WDPCP: variants seen among roughly 807,000 people sequenced by gnomAD.
The protein encoded by WDPCP is WD repeat-containing and planar cell polarity effector protein fritz homolog.
WDPCP carries 71 observed loss-of-function variants against 93.1 expected under a neutral mutation model. The ratio of observed to expected loss-of-function variants is 0.76; its 90% CI spans 0.63 to 0.93. The LOEUF is 0.93. Among genes scored for constraint, WDPCP ranks in the 40% least tolerant of loss-of-function variants. The pLI, the probability that WDPCP is intolerant of heterozygous loss-of-function variation, is 0.00. For missense variants in WDPCP, 844 were observed against 887.4 expected, an observed-to-expected ratio of 0.95 and a Z score of 0.62; for synonymous variants, 315 against 315.0, an observed-to-expected ratio of 1.00 and a Z score of 0.00.
chr2:63,427,456 C>A (rs1696409271), intron 9 of WDPCP, among the ~76,000 whole-genome samples: 1 of 152,104 alleles, frequency 6.6e-6, no homozygotes, highest in South Asian at 2.1e-4. Context: ...CACAAAATTA[C>A]ATGGAAATTA....
chr2:63,404,624 G>A lies in WDPCP; in HGVS notation c.859C>T (p.Leu287=). Residue 287 remains leucine (L), a synonymous_variant, in exon 10 of 18, where the codon CTG becomes TTG. Transcript: ENST00000272321. ...TGTTTGGTGCCAAAGCGAACATCCAGTGGGTCCCATTCTGTGCGGACAGAA... is the reference window on the plus strand; with the variant it reads ...TGTTTGGTGCCAAAGCGAACATCCAATGGGTCCCATTCTGTGCGGACAGAA... The part of the protein sequence containing the change: ...LSSVRTEWDP[L]DVRFGTKQPY... 2 of 1,614,116 alleles carry A rather than the reference G, an allele frequency of 1.2e-6. No individual in the cohort carries two copies. The highest frequency in any genetic ancestry group is 3.3e-4 in the Middle Eastern group (2 of 6,060).
At chr2:63,705,823 C>T (rs1225190782) in intron 2 of WDPCP, among the ~76,000 whole-genome samples, 2 of 150,882 alleles carry the variant, frequency 1.3e-5, no homozygotes, top group Admixed American at 6.6e-5. Flanking sequence ...CTGCTTGGTG[C>T]AGAGCTGAGT....
Position 63,121,922 on chromosome 2 carries a change from A to C in WDPCP, c.*84T>G. 6.3e-7 allele frequency: 1 copy of C among 1,591,306 alleles called. No individual in the cohort carries two copies. The highest frequency in any genetic ancestry group is 8.5e-7 in the Non-Finnish European group (1 of 1,173,140). On this transcript the variant is annotated 3_prime_UTR_variant, in exon 18 of 18. Coordinates refer to ENST00000272321, the MANE Select transcript of WDPCP (RefSeq NM_015910.7). ...TATGATTCATACTGTCTCTTGTTAAAAATCCACACGGGGGATTTTAAGTCT... is the reference window on the plus strand; with the variant it reads ...TATGATTCATACTGTCTCTTGTTAACAATCCACACGGGGGATTTTAAGTCT...
chr2:63,826,821 A>G (rs1235872573), intron 1 of WDPCP, among the ~76,000 whole-genome samples: 1 of 152,180 alleles, frequency 6.6e-6, no homozygotes. Context: ...TAACAAATAT[A>G]TCATTTTTCT....
At chr2:63,697,276 C>A (rs1365987129) in intron 2 of WDPCP, among the ~76,000 whole-genome samples, 1 of 152,056 alleles carries the variant, frequency 6.6e-6, no homozygotes, top group East Asian at 1.9e-4. Context: ...CCATTATTAT[C>A]CCCATTTTAC....
intron 14 of WDPCP, among the ~76,000 whole-genome samples, chr2:63,205,683 C>T (rs1259626495): frequency 6.6e-6 from 1 of 152,084 alleles, no homozygotes; most frequent in African/African-American, 2.4e-5. Context: ...TTTTGTAACC[C>T]GCAGCTTCAC....
chr2:63,528,431 A>C (rs987093558), intron 1 of WDPCP, among the ~76,000 whole-genome samples: 1 of 152,256 alleles, frequency 6.6e-6, no homozygotes, highest in African/African-American at 2.4e-5. Flanking sequence ...AGCTTTCTAC[A>C]TATGACTAGC....
intron 2 of WDPCP, among the ~76,000 whole-genome samples, chr2:63,693,439 T>TTAGATAGATAGA (rs55755279): frequency 0.032 from 4,673 of 145,486 alleles, 77 homozygotes; most frequent in East Asian, 0.056. Flanking sequence ...GATATAGATA[T>TTAGATAGATAGA]TAGATAGATA....
At chr2:63,160,086 T>A (rs1672543021) in intron 15 of WDPCP, among the ~76,000 whole-genome samples, 2 of 152,128 alleles carry the variant, frequency 1.3e-5, no homozygotes, top group Non-Finnish European at 2.9e-5. Context: ...CTTGTCTTCG[T>A]CCTTATTTCT....
At chr2:63,394,676 G>T (rs532163818) in intron 10 of WDPCP, among the ~76,000 whole-genome samples, 3 of 152,204 alleles carry the variant, frequency 2.0e-5, no homozygotes, top group Non-Finnish European at 4.4e-5. Context: ...AGGAAATGTG[G>T]TACATATACA....
chr2:63,171,444 A>T (rs1287025974), intron 15 of WDPCP, among the ~76,000 whole-genome samples: 1 of 152,242 alleles, frequency 6.6e-6, no homozygotes, highest in Non-Finnish European at 1.5e-5. Flanking sequence ...CAACATCATT[A>T]GTTGTTAGGG....
At chr2:63,337,392 G>A (rs1254625747) in intron 12 of WDPCP, among the ~76,000 whole-genome samples, 3 of 152,020 alleles carry the variant, frequency 2.0e-5, no homozygotes, top group Non-Finnish European at 4.4e-5. Flanking sequence ...ATCCATTAAT[G>A]GGCACTTAGG....
intron 6 of WDPCP, among the ~76,000 whole-genome samples, chr2:63,461,428 G>C (rs1269922844): frequency 6.6e-6 from 1 of 152,148 alleles, no homozygotes; most frequent in Non-Finnish European, 1.5e-5. Flanking sequence ...CTTCCACCAT[G>C]ATTGAAAGCT....
chr2:63,299,631 G>A lies in WDPCP; in HGVS notation c.1812+13617C>T, dbSNP rs965209142. Among the ~76,000 whole-genome samples, 5 of 152,308 alleles carry A rather than the reference G, an allele frequency of 3.3e-5. No individual in the cohort carries two copies. The South Asian group carries it at 8.3e-4, about 25-fold the overall frequency. ...GAAGGTACCCTTCAGCCAACCTGCT[G>A]TGAGGTACGGGGTGCATACGAGCCT... On this transcript the variant is annotated intron_variant, in intron 13 of 17. Transcript: ENST00000272321.
intron 9 of WDPCP, among the ~76,000 whole-genome samples, chr2:63,419,063 T>C (rs540828620): frequency 6.6e-6 from 1 of 152,328 alleles, no homozygotes; most frequent in South Asian, 2.1e-4. Flanking sequence ...GTAGAAAAGA[T>C]AAAGAGTCCC....
At chr2:63,429,919 A>T (rs6717478) in intron 9 of WDPCP, among the ~76,000 whole-genome samples, 6,504 of 152,012 alleles carry the variant, frequency 0.043, 165 homozygotes, top group South Asian at 0.068. Context: ...ACAATAGCAA[A>T]AACATGGAAT....
chr2:63,362,277 T>TTGGGGG (rs1553362983), intron 12 of WDPCP, among the ~76,000 whole-genome samples: 1 of 94,132 alleles, frequency 1.1e-5, no homozygotes, highest in African/African-American at 4.6e-5. Flanking sequence ...TTTTTTTTGG[T>TTGGGGG]TGTGTGTGTG....
chr2:63,788,330 C>G (rs1401544306), intron 2 of WDPCP, among the ~76,000 whole-genome samples: 2 of 152,072 alleles, frequency 1.3e-5, no homozygotes, highest in African/African-American at 4.8e-5. Context: ...ATGCAATTTT[C>G]CAATAGGGAG....
At chr2:63,209,961 T>G (rs931594114) in intron 14 of WDPCP, among the ~76,000 whole-genome samples, 2 of 152,254 alleles carry the variant, frequency 1.3e-5, no homozygotes, top group African/African-American at 4.8e-5. Flanking sequence ...AGCTAGAAAA[T>G]ATGTACTGTG....
Sources: gnomAD v4.1 joint callset for allele counts (sites outside exome capture counted in the v4.1 genomes callset) on GRCh38, gnomAD v4.1.1 for gene constraint, MANE v1.5 for transcripts, NCBI Gene and HGNC (gene_info 2026-07-23, HGNC 2026-07-21) for gene names.